The following CPQ variants were observed in gnomAD, a reference collection of about 807,000 sequenced individuals.
CPQ encodes the protein carboxypeptidase Q, also known as Ser-Met dipeptidase.
A neutral mutation model predicts 45.7 loss-of-function variants in CPQ; 37 were observed. That is an observed-to-expected ratio of 0.81 (90% CI 0.62 to 1.07). CPQ has a LOEUF of 1.07. Among genes scored for constraint, CPQ ranks in the 50% least tolerant of loss-of-function variants. The probability of loss-of-function intolerance (pLI) is 0.00; values close to 1 mark genes in which losing one functional copy is unlikely to be tolerated. For missense variants in CPQ, 537 were observed against 572.9 expected (o/e 0.94, Z 0.64); for synonymous variants, 186 against 205.8 (o/e 0.90, Z 0.82).
chr8:96,666,907 A>C (rs781057992), intron 1 of CPQ, among the ~76,000 whole-genome samples: 5 of 152,166 alleles, frequency 3.3e-5, no homozygotes, highest in Non-Finnish European at 7.3e-5. Context: ...CTCAATGCCT[A>C]CCTCAGAAAC....
intron 1 of CPQ, among the ~76,000 whole-genome samples, chr8:96,775,939 C>A (rs1810599551): frequency 6.6e-6 from 1 of 152,142 alleles, no homozygotes; most frequent in South Asian, 2.1e-4. Flanking sequence ...GTACTCCAAA[C>A]AAAATGGAGG....
chr8:97,070,688 T>G (rs1028827688), intron 7 of CPQ, among the ~76,000 whole-genome samples: 2 of 152,194 alleles, frequency 1.3e-5, no homozygotes, highest in African/African-American at 4.8e-5. Flanking sequence ...CTTTCAATAC[T>G]TTAGTGATTC....
intron 1 of CPQ, among the ~76,000 whole-genome samples, chr8:96,757,642 G>A (rs1360747873): frequency 6.6e-6 from 1 of 151,402 alleles, no homozygotes; most frequent in Non-Finnish European, 1.5e-5. Flanking sequence ...TTTTCAGCTT[G>A]TTCTCTATTT....
intron 1 of CPQ, among the ~76,000 whole-genome samples, chr8:96,667,293 G>T (rs190800027): frequency 4.0e-5 from 6 of 151,442 alleles, no homozygotes; most frequent in Admixed American, 1.3e-4. Flanking sequence ...TAGTTCAGAT[G>T]ATGGTGATTT....
At chr8:96,983,934 G>A (rs952202796) in intron 5 of CPQ, among the ~76,000 whole-genome samples, 3 of 151,614 alleles carry the variant, frequency 2.0e-5, no homozygotes, top group African/African-American at 7.3e-5. Context: ...AGTTAACAGG[G>A]AAGTTTGTCA....
chr8:96,970,597 T>C (rs1195913176), intron 5 of CPQ, among the ~76,000 whole-genome samples: 5 of 150,678 alleles, frequency 3.3e-5, no homozygotes, highest in Non-Finnish European at 5.9e-5. Context: ...GGAGTCTCGC[T>C]CTGTCGCCCA....
chr8:97,066,488 A>ATTGTT (rs1316508944), intron 7 of CPQ, among the ~76,000 whole-genome samples: 1 of 152,152 alleles, frequency 6.6e-6, no homozygotes, highest in Non-Finnish European at 1.5e-5. Flanking sequence ...CTAAAAATCC[A>ATTGTT]TTGTTTTGTT....
At chr8:97,123,104 T>A (rs867063501) in intron 7 of CPQ, among the ~76,000 whole-genome samples, 101 of 32,362 alleles carry the variant, frequency 3.1e-3, no homozygotes, top group African/African-American at 5.9e-3. Flanking sequence ...ATAAAATAAA[T>A]AAAATAAAAT....
intron 1 of CPQ, among the ~76,000 whole-genome samples, chr8:96,756,609 C>G (rs1043758822): frequency 3.9e-5 from 6 of 152,046 alleles, no homozygotes; most frequent in African/African-American, 1.4e-4. Flanking sequence ...TGGATTTTCT[C>G]TTTCTATTTT....
intron 1 of CPQ, among the ~76,000 whole-genome samples, chr8:96,665,682 G>A (rs1422824411): frequency 2.0e-5 from 3 of 152,084 alleles, no homozygotes; most frequent in African/African-American, 7.2e-5. Context: ...GGCATACCTG[G>A]CTCTCCAGGG....
At chr8:96,903,664 G>A (rs767853793) in intron 4 of CPQ, among the ~76,000 whole-genome samples, 3 of 152,138 alleles carry the variant, frequency 2.0e-5, no homozygotes, top group Non-Finnish European at 4.4e-5. Flanking sequence ...AGAAAATTGA[G>A]ACTCAGAGAA....
chr8:96,980,981 G>T (rs1425433162), intron 5 of CPQ, among the ~76,000 whole-genome samples: 1 of 152,088 alleles, frequency 6.6e-6, no homozygotes, highest in Non-Finnish European at 1.5e-5. Flanking sequence ...AGTGTGTAGA[G>T]AAAAATTTAT....
chr8:96,964,867 A>G (rs1383042642), intron 4 of CPQ, among the ~76,000 whole-genome samples: 1 of 152,104 alleles, frequency 6.6e-6, no homozygotes, highest in Non-Finnish European at 1.5e-5. Flanking sequence ...TGTATGTTTT[A>G]TAATGATCAA....
intron 5 of CPQ, among the ~76,000 whole-genome samples, chr8:96,978,827 G>T (rs1454931406): frequency 6.6e-6 from 1 of 152,120 alleles, no homozygotes; most frequent in East Asian, 1.9e-4. Context: ...AGGGCTGTCT[G>T]GAAAACCTAG....
intron 5 of CPQ, among the ~76,000 whole-genome samples, chr8:97,008,179 A>G (rs1247592212): frequency 2.6e-5 from 4 of 152,216 alleles, no homozygotes; most frequent in Non-Finnish European, 5.9e-5. Context: ...TCACTTGAAG[A>G]ATTTAAAGAC....
rs191985673 is a variant in CPQ at position 97,061,369 on chromosome 8, A to C, written c.1054-4640A>C. On this transcript the variant is annotated intron_variant, in intron 6 of 7. Transcript: ENST00000220763. ...GTTATGATCATGAAAAAAAGTTTTT[A>C]ATGTATACATTTAACTACGGTCTTT... is the stretch of plus-strand genomic sequence containing the variant. 1.3e-3 allele frequency among the ~76,000 whole-genome samples: 191 copies of C among 150,048 alleles called. 1 individual carries two copies. The highest frequency in any genetic ancestry group is 4.8e-3 in the African/African-American group (188 of 39,486).
chr8:97,006,749 A>G (rs1189304714), intron 5 of CPQ, among the ~76,000 whole-genome samples: 1 of 152,194 alleles, frequency 6.6e-6, no homozygotes, highest in Non-Finnish European at 1.5e-5. Flanking sequence ...GCAACCCAGG[A>G]GGACCCAGGT....
chr8:96,964,156 C>CT (rs537764956), intron 4 of CPQ, among the ~76,000 whole-genome samples: 156 of 133,898 alleles, frequency 1.2e-3, no homozygotes, highest in African/African-American at 4.3e-3. Flanking sequence ...TCCAGTACAT[C>CT]TTTTTTGGTT....
chr8:96,993,130 C>T (rs894877917), intron 5 of CPQ, among the ~76,000 whole-genome samples: 5 of 152,164 alleles, frequency 3.3e-5, no homozygotes, highest in East Asian at 3.8e-4. Context: ...GAAGGTCTAG[C>T]GTAGTATATA....
Sources: gnomAD v4.1 joint callset for allele counts (sites outside exome capture counted in the v4.1 genomes callset) on GRCh38, gnomAD v4.1.1 for gene constraint, MANE v1.5 for transcripts, NCBI Gene and HGNC (gene_info 2026-07-23, HGNC 2026-07-21) for gene names.